The following RAPGEF4 variants were observed in gnomAD, a reference collection of about 807,000 sequenced individuals.
RAPGEF4 encodes the protein RAP guanine-nucleotide-exchange factor (GEF) 4.
In RAPGEF4, 66 loss-of-function variants were observed where a neutral mutation model predicts 147.9. The observed-to-expected ratio is 0.45, with a 90% CI of 0.37 to 0.55. The LOEUF is 0.55. Among genes scored for constraint, RAPGEF4 ranks in the 20% least tolerant of loss-of-function variants. The pLI, the probability that RAPGEF4 is intolerant of heterozygous loss-of-function variation, is 0.00. For synonymous variants in RAPGEF4, 419 were observed against 442.7 expected (o/e 0.95, Z 0.67); for missense variants, 1,071 against 1,257.3 (o/e 0.85, Z 2.24).
At chr2:172,928,831 A>C (rs1374739571) in intron 6 of RAPGEF4, among the ~76,000 whole-genome samples, 1 of 152,210 alleles carries the variant, frequency 6.6e-6, no homozygotes, top group Non-Finnish European at 1.5e-5. Flanking sequence ...AATAATAATA[A>C]AAGAAATGAG....
chr2:172,892,050 T>A (rs1697976665), intron 4 of RAPGEF4, among the ~76,000 whole-genome samples: 1 of 152,132 alleles, frequency 6.6e-6, no homozygotes, highest in East Asian at 1.9e-4. Flanking sequence ...TCACAGTGAA[T>A]GAAAATGGAT....
intron 4 of RAPGEF4, among the ~76,000 whole-genome samples, chr2:172,851,664 G>A (rs1692844509): frequency 6.6e-6 from 1 of 152,082 alleles, no homozygotes; most frequent in Admixed American, 6.5e-5. Flanking sequence ...TGGAACTGGA[G>A]GTCATTATCC....
chr2:172,738,693 A>G (rs1694031298), intron 1 of RAPGEF4, among the ~76,000 whole-genome samples: 1 of 152,214 alleles, frequency 6.6e-6, no homozygotes, highest in Non-Finnish European at 1.5e-5. Context: ...AAGAGAAAGT[A>G]CAATGAACCC....
intron 4 of RAPGEF4, chr2:172,814,664 AAT>A: frequency 2.0e-6 from 1 of 511,738 alleles, no homozygotes; most frequent in Non-Finnish European, 3.5e-6. Flanking sequence ...CATACCTTAT[AAT>A]TATTTCTTGA....
At chr2:172,926,662 C>T (rs550983363) in intron 6 of RAPGEF4, among the ~76,000 whole-genome samples, 2 of 152,240 alleles carry the variant, frequency 1.3e-5, no homozygotes, top group Admixed American at 6.5e-5. Flanking sequence ...ACCTCTGCTT[C>T]CTGGGTTCAA....
intron 14 of RAPGEF4, 42 bp from the exon 15 acceptor site, chr2:172,990,768 G>A (rs373807079): frequency 1.0e-5 from 15 of 1,462,356 alleles, no homozygotes; most frequent in African/African-American, 2.8e-5. Context: ...CATTGTCTGA[G>A]TAAGCGGCAG....
Position 172,782,636 on chromosome 2 carries a change from G to A in RAPGEF4, c.66-12389G>A, listed in dbSNP as rs573200424. On this transcript the variant is annotated intron_variant, in intron 1 of 30. Transcript: ENST00000397081. ...ATTTTTGAGAGCCTTTGCTTACTAT[G>A]GTGAAAATTACACAGAGGAAAAAAA... Among the ~76,000 whole-genome samples the A allele has an allele frequency of 6.4e-4, 97 of 152,256 alleles. 2 individuals carry two copies. The South Asian group carries it at 0.02, about 31-fold the overall frequency.
chr2:172,895,657 G>A (rs1465666295), intron 4 of RAPGEF4, among the ~76,000 whole-genome samples: 4 of 152,122 alleles, frequency 2.6e-5, no homozygotes, highest in Admixed American at 6.5e-5. Context: ...CTCGAATTTT[G>A]TGTTGACATA....
chr2:172,736,098 G>A, intron 1 of RAPGEF4, 50 bp downstream of exon 1: 1 of 1,371,764 alleles, frequency 7.3e-7, no homozygotes, highest in Non-Finnish European at 9.5e-7. Flanking sequence ...GGTGCTGCCC[G>A]GGCCCTGAGA....
intron 6 of RAPGEF4, among the ~76,000 whole-genome samples, chr2:172,951,118 C>A (rs565071581): frequency 7.5e-4 from 114 of 152,318 alleles, no homozygotes; most frequent in African/African-American, 2.5e-3. Context: ...TTATCAGACA[C>A]AAAACCCAGT....
chr2:172,791,787 C>T (rs893951837), intron 1 of RAPGEF4, among the ~76,000 whole-genome samples: 3 of 152,138 alleles, frequency 2.0e-5, no homozygotes, highest in African/African-American at 7.2e-5. Context: ...TTCTTCTGTG[C>T]TTGTTTTGGA....
intron 6 of RAPGEF4, among the ~76,000 whole-genome samples, chr2:172,932,106 C>T (rs1291652898): frequency 1.3e-5 from 2 of 151,768 alleles, no homozygotes; most frequent in East Asian, 1.9e-4. Context: ...GTGGTCATTC[C>T]GGTGTTCATG....
chr2:172,941,179 T>G (rs1401094501), intron 6 of RAPGEF4, among the ~76,000 whole-genome samples: 3 of 152,182 alleles, frequency 2.0e-5, no homozygotes, highest in African/African-American at 7.2e-5. Context: ...CCTCCCAATC[T>G]GTGTGCTTTT....
chr2:172,976,641 A>G (rs1691104940), intron 10 of RAPGEF4, among the ~76,000 whole-genome samples: 5 of 152,150 alleles, frequency 3.3e-5, no homozygotes. Flanking sequence ...CCCTTGTACC[A>G]AGGTCTGCTA....
At chr2:173,030,289 C>CCTT (rs1466641426) in intron 26 of RAPGEF4, 35 bp downstream of exon 26, 35 of 1,522,474 alleles carry the variant, frequency 2.3e-5, no homozygotes, top group Non-Finnish European at 2.9e-5. Flanking sequence ...GTGACTTTTG[C>CCTT]CTTAGGAATA....
chr2:172,830,910 C>T (rs1051285595), intron 4 of RAPGEF4, among the ~76,000 whole-genome samples: 36 of 152,266 alleles, frequency 2.4e-4, no homozygotes, highest in African/African-American at 8.7e-4. Flanking sequence ...CCTGCCCCAA[C>T]CACCAGATCT....
intron 1 of RAPGEF4, among the ~76,000 whole-genome samples, chr2:172,754,837 T>C (rs923868408): frequency 1.3e-5 from 2 of 152,156 alleles, no homozygotes. Context: ...GGTCAGGAGA[T>C]GGAGACCATC....
At chr2:172,736,152 G>C in intron 1 of RAPGEF4, 104 bp downstream of exon 1, 1 of 910,696 alleles carries the variant, frequency 1.1e-6, no homozygotes, top group Non-Finnish European at 1.4e-6. Flanking sequence ...CGGGCTGCGG[G>C]TGGCCGGGGT....
intron 10 of RAPGEF4, among the ~76,000 whole-genome samples, chr2:172,970,420 A>G (rs1281920696): frequency 6.6e-6 from 1 of 152,208 alleles, no homozygotes; most frequent in Non-Finnish European, 1.5e-5. Flanking sequence ...CATTGGCTTC[A>G]TACTGACCAG....
Sources: gnomAD v4.1 joint callset for allele counts (sites outside exome capture counted in the v4.1 genomes callset) on GRCh38, gnomAD v4.1.1 for gene constraint, MANE v1.5 for transcripts, NCBI Gene and HGNC (gene_info 2026-07-23, HGNC 2026-07-21) for gene names.